Variants in VPS28 observed in about 807,000 individuals in gnomAD.
VPS28 encodes the protein vacuolar protein sorting-associated protein 28 homolog.
A neutral mutation model predicts 33.7 loss-of-function variants in VPS28; 29 were observed. The observed-to-expected ratio is 0.86, with a 90% confidence interval of 0.64 to 1.17. The LOEUF (loss-of-function observed/expected upper bound fraction) is 1.17. Ranked by LOEUF, VPS28 falls within the 50% of genes most tolerant of loss-of-function variation. The pLI is 0.00. For missense variants in VPS28, 247 were observed against 312.2 expected (o/e 0.79, Z 1.57); for synonymous variants, 164 against 116.7 (o/e 1.40, Z -2.61).
At position 144,424,809 on chromosome 8, in the gene VPS28, G is replaced by A. The variant is rs149592460; in HGVS notation, c.311C>T (p.Pro104Leu). 114 of 1,613,752 alleles carry A rather than the reference G, an allele frequency of 7.1e-5. No individual in the cohort carries two copies. The highest frequency in any genetic ancestry group is 8.5e-5 in the Non-Finnish European group (100 of 1,180,006). ...EFCRKFRLDC[P>L]LAMERIKEDR... ...CTCCTTGATCCGCTCCATGGCCAGC[G>A]GGCAGTCCAGCTGTTGGGGGTGACA... The change falls in exon 7 of 10, where the codon CCG (proline) becomes CTG (leucine). Residue 104 changes from proline to leucine, a missense_variant. Pro to Leu is a moderately conservative substitution (Grantham distance 98). Around this residue, in one of 3 missense-constraint regions of VPS28, gnomAD observed 149 missense variants for 172.8 expected, o/e 0.86. Coordinates refer to ENST00000292510, the MANE Select transcript of VPS28 (RefSeq NM_016208.4).
At chr8:144,425,972 A>C in intron 4 of VPS28, 54 bp downstream of exon 4, 1 of 1,470,654 alleles carries the variant, frequency 6.8e-7, no homozygotes, top group Non-Finnish European at 9.1e-7. Context: ...GGGCTGCCCC[A>C]GGGCAGCCAG....
intron 7 of VPS28, 166 bp downstream of exon 7, chr8:144,424,552 C>G (rs1376080608): frequency 2.3e-6 from 2 of 858,960 alleles, no homozygotes; most frequent in East Asian, 2.7e-5. Context: ...GGCCTGGGGG[C>G]GTCCCCGCAT....
chr8:144,425,214 G>A (rs918156754), intron 5 of VPS28, 163 bp from the exon 6 acceptor site: 5 of 644,274 alleles, frequency 7.8e-6, no homozygotes, highest in African/African-American at 1.8e-5. Flanking sequence ...TTGGGGGTGA[G>A]GCCCTGAGCA....
intron 2 of VPS28, 142 bp from the exon 3 acceptor site, chr8:144,426,350 G>C (rs1458500352): frequency 1.8e-6 from 2 of 1,140,856 alleles, no homozygotes; most frequent in Non-Finnish European, 2.4e-6. Context: ...GAGCACAGAG[G>C]TTCCAACCTC....
At chr8:144,424,863 C>A in intron 6 of VPS28, 44 bp from the exon 7 acceptor site, 4 of 1,612,572 alleles carry the variant, frequency 2.5e-6, no homozygotes, top group Non-Finnish European at 3.4e-6. Flanking sequence ...GGACAGCAAG[C>A]CCCAGGTGGC....
At chr8:144,425,554 C>T (rs932531604) in intron 5 of VPS28, 129 bp downstream of exon 5, 1 of 965,990 alleles carries the variant, frequency 1.0e-6, no homozygotes, top group Non-Finnish European at 1.5e-6. Context: ...CCCAGGGGCA[C>T]CCTCCTCACG....
intron 1 of VPS28, 67 bp downstream of exon 1, chr8:144,428,422 G>A (rs1822965657): frequency 6.6e-6 from 1 of 152,268 alleles, no homozygotes; most frequent in Non-Finnish European, 1.5e-5. Flanking sequence ...CGCCCAGAGG[G>A]TGCCAGGCCC....
At chr8:144,425,289 G>C in intron 5 of VPS28, 1 of 587,412 alleles carries the variant, frequency 1.7e-6, no homozygotes, top group Non-Finnish European at 3.0e-6. Flanking sequence ...CCCACCCTCT[G>C]AACCACAGCG....
In VPS28 at chr8:144,425,011, C is replaced by G; in HGVS notation, c.235G>C (p.Ala79Pro). 2 of 1,554,830 alleles carry G rather than the reference C, an allele frequency of 1.3e-6. No individual in the cohort carries two copies. The highest frequency in any genetic ancestry group is 1.7e-6 in the Non-Finnish European group (2 of 1,148,510). Residue 79 changes from alanine to proline, a missense_variant, in exon 6 of 10, where the codon GCT (alanine) becomes CCT (proline). Coordinates refer to ENST00000292510, the MANE Select transcript of VPS28 (RefSeq NM_016208.4). The stretch of plus-strand genomic sequence containing the variant: ...GAGCCCTGGACCTGCCTGAAGGCAG[C>G]TTTGTATTGGACCAGGAGCCGGGAG... ...ACSRLLVQYK[A>P]AFRQVQGSEI...
At chr8:144,426,441 T>A in intron 2 of VPS28, 1 of 529,308 alleles carries the variant, frequency 1.9e-6, no homozygotes, top group Non-Finnish European at 3.2e-6. Context: ...GCTCCCCAGC[T>A]CCACTGCGGC....
intron 1 of VPS28, among the ~76,000 whole-genome samples, chr8:144,427,531 G>C (rs1253987237): frequency 1.3e-5 from 2 of 152,132 alleles, no homozygotes; most frequent in African/African-American, 4.8e-5. Flanking sequence ...TTATGAGGGC[G>C]GCAGGCAGCT....
At position 144,426,546 on chromosome 8, in the gene VPS28, G is replaced by A. The variant is rs539552972; in HGVS notation, c.38-338C>T. The A allele has an allele frequency of 3.1e-4, 133 of 434,786 alleles. 1 individual carries two copies. Among genetic ancestry groups the A allele is most frequent in the African/African-American group, 2.7e-3 (131 of 48,786 alleles). 26.9% of individuals were successfully genotyped at this position (434,786 alleles called of 1,614,324 possible). ...GGCCCAGCTCCCCAGCTCCACCATG[G>A]CTCCCTGGCGGAGTCACCTGCACAA... On this transcript the variant is annotated intron_variant, in intron 2 of 9. Transcript: ENST00000292510.
chr8:144,424,557 C>G (rs1177370358), intron 7 of VPS28, 161 bp downstream of exon 7: 1 of 884,426 alleles, frequency 1.1e-6, no homozygotes, highest in Non-Finnish European at 1.7e-6. Flanking sequence ...GGGGGCGTCC[C>G]CGCATGCTGC....
At chr8:144,425,220 G>C in intron 5 of VPS28, 169 bp from the exon 6 acceptor site, 1 of 633,706 alleles carries the variant, frequency 1.6e-6, no homozygotes, top group Non-Finnish European at 2.8e-6. Flanking sequence ...GTGAGGCCCT[G>C]AGCACGTAGT....
intron 1 of VPS28, 113 bp downstream of exon 1, chr8:144,428,375 TG>T (rs1282562178): frequency 6.6e-6 from 1 of 152,276 alleles, no homozygotes; most frequent in African/African-American, 2.4e-5. Flanking sequence ...ACGTGACTTT[TG>T]CGGCGCTCAG....
At chr8:144,426,144 T>G in intron 3 of VPS28, 36 bp downstream of exon 3, 1 of 1,595,442 alleles carries the variant, frequency 6.3e-7, no homozygotes, top group African/African-American at 1.3e-5. Context: ...CATTTGCTGT[T>G]GGCCAATGCC....
intron 7 of VPS28, 185 bp downstream of exon 7, chr8:144,424,533 A>T: frequency 1.2e-6 from 1 of 801,994 alleles, no homozygotes; most frequent in Non-Finnish European, 1.9e-6. Context: ...CCCCGACAGG[A>T]GTCCAGGTGG....
In VPS28 at chr8:144,428,482, C is replaced by A. The variant is rs1282100770; in HGVS notation, c.-35+7G>T. On this transcript the variant is annotated splice_region_variant and intron_variant, in intron 1 of 9. Transcript: ENST00000292510. ...CCTTCCCCGCCCACCGGCCGGGCCC[C>A]GGGTACCTGGACGGCTCGCGGTCGG... 3 of 152,226 alleles carry A rather than the reference C, an allele frequency of 2.0e-5. No individual in the cohort carries two copies. Among genetic ancestry groups the A allele is most frequent in the Non-Finnish European group, 4.4e-5 (3 of 68,032 alleles). The allele number at this position is 152,226 out of a possible 1,614,324, so 9.4% of individuals were successfully genotyped here. A position where few individuals can be genotyped will look rare whatever the true frequency, so the allele number is the denominator to read the frequency against.
At position 144,423,838 on chromosome 8, in the gene VPS28, G is replaced by A; in HGVS notation, c.633C>T (p.Ala211=). Residue 211 remains alanine (A), a synonymous_variant, in exon 10 of 10, where the codon GCC becomes GCT. Coordinates refer to ENST00000292510, the MANE Select transcript of VPS28 (RefSeq NM_016208.4). Reference sequence around the variant, plus strand: ...GCAGGAAGCGGTTGAAGGCGTTGTAGGCTGACTCCAGGTCGAACAGCATCT... The same window carrying A: ...GCAGGAAGCGGTTGAAGGCGTTGTAAGCTGACTCCAGGTCGAACAGCATCT... ...VRQMLFDLES[A]YNAFNRFLHA 4 of 1,613,030 alleles carry A rather than the reference G, an allele frequency of 2.5e-6. No individual in the cohort carries two copies. The highest frequency in any genetic ancestry group is 2.2e-5 in the East Asian group (1 of 44,896).
Sources: allele counts gnomAD v4.1 joint callset (sites outside exome capture counted in the v4.1 genomes callset), GRCh38; gene constraint gnomAD v4.1.1; regional missense constraint gnomAD v4.1.1; transcripts MANE v1.5; gene names NCBI Gene and HGNC (gene_info 2026-07-23, HGNC 2026-07-21).